KHDRBS2: variants seen among roughly 807,000 people sequenced by gnomAD.
KHDRBS2 encodes KH domain-containing, RNA-binding, signal transduction-associated protein 2.
KHDRBS2 carries 26 observed loss-of-function variants against 44.3 expected under a neutral mutation model. That is an observed-to-expected ratio of 0.59 (90% CI 0.43 to 0.81). The LOEUF is 0.81. Ranked by LOEUF, KHDRBS2 falls within the 40% of genes least tolerant of loss-of-function variation. The probability of loss-of-function intolerance (pLI) is 0.00; values close to 1 mark genes in which losing one functional copy is unlikely to be tolerated. For synonymous variants in KHDRBS2, 194 were observed against 151.1 expected (o/e 1.28, Z -2.08); for missense variants, 476 against 433.1 (o/e 1.10, Z -0.88).
intron 6 of KHDRBS2, among the ~76,000 whole-genome samples, chr6:61,789,661 C>A (rs1784344325): frequency 6.6e-6 from 1 of 151,182 alleles, no homozygotes; most frequent in African/African-American, 2.4e-5. Context: ...TAGGAAAGGC[C>A]CTGGTTTGTC....
chr6:62,265,301 G>A (rs1366461000), intron 1 of KHDRBS2, among the ~76,000 whole-genome samples: 1 of 151,950 alleles, frequency 6.6e-6, no homozygotes, highest in Admixed American at 6.6e-5. Context: ...TCTCCTGCAT[G>A]CCACCTTTGC....
intron 1 of KHDRBS2, among the ~76,000 whole-genome samples, chr6:62,215,737 G>A (rs577542): frequency 0.19 from 28,402 of 151,350 alleles, 3,309 homozygotes; most frequent in African/African-American, 0.31. Context: ...TGATCAGCCC[G>A]ATTATGAAAT....
rs376689800 is a variant in KHDRBS2 at position 61,722,929 on chromosome 6, T to C, written c.893+9753A>G. On this transcript the variant is annotated intron_variant, in intron 7 of 8. Coordinates refer to ENST00000281156, the MANE Select transcript of KHDRBS2 (RefSeq NM_152688.4). ...TTTCACCATGTTAGCCAGGATGGTC[T>C]CGATCTCCTCACCTCGTGATCTGCT... Among the ~76,000 whole-genome samples, 343 of 152,154 alleles carry C rather than the reference T, an allele frequency of 2.3e-3. 2 individuals are homozygous for C. Among genetic ancestry groups the C allele is most frequent in the African/African-American group, 8.0e-3 (333 of 41,524 alleles).
At chr6:61,638,336 C>T in the KHDRBS2 span, among the ~76,000 whole-genome samples, 5 of 151,940 alleles carry the variant, frequency 3.3e-5, no homozygotes, top group African/African-American at 1.2e-4. Context: ...AGAACAGAGC[C>T]CTCAGAAATA....
chr6:62,119,909 C>G (rs1807192064), intron 2 of KHDRBS2, among the ~76,000 whole-genome samples: 1 of 152,168 alleles, frequency 6.6e-6, no homozygotes, highest in African/African-American at 2.4e-5. Flanking sequence ...TCCTGGCAGG[C>G]CTCAAGAGGT....
intron 2 of KHDRBS2, among the ~76,000 whole-genome samples, chr6:62,166,350 C>T (rs1287851114): frequency 6.6e-6 from 1 of 151,908 alleles, no homozygotes; most frequent in African/African-American, 2.4e-5. Context: ...TGAGGTTGTT[C>T]TACAGTTTTA....
At chr6:61,849,310 GAT>G (rs1449903916) in intron 6 of KHDRBS2, among the ~76,000 whole-genome samples, 6 of 151,974 alleles carry the variant, frequency 3.9e-5, no homozygotes, top group Admixed American at 3.9e-4. Context: ...AGGTTCCTGT[GAT>G]ATTTGTCTGA....
intron 2 of KHDRBS2, among the ~76,000 whole-genome samples, chr6:62,158,167 T>C (rs963331822): frequency 6.6e-6 from 1 of 152,198 alleles, no homozygotes; most frequent in Non-Finnish European, 1.5e-5. Context: ...AAAGAACTCT[T>C]AGATAAATAA....
intron 6 of KHDRBS2, among the ~76,000 whole-genome samples, chr6:61,869,964 G>GTTTTTTTTTTTTTT (rs59518436): frequency 2.2e-4 from 24 of 109,018 alleles, no homozygotes; most frequent in African/African-American, 8.3e-4. Context: ...CTGCAGGAGT[G>GTTTTTTTTTTTTTT]TTTTTTTTTT....
At chr6:62,056,319 C>T (rs1053975430) in intron 2 of KHDRBS2, among the ~76,000 whole-genome samples, 11 of 151,812 alleles carry the variant, frequency 7.2e-5, no homozygotes, top group Non-Finnish European at 1.0e-4. Flanking sequence ...ACACATATAA[C>T]GCTTTACATA....
At chr6:61,702,107 C>T (rs1278645087) in intron 7 of KHDRBS2, among the ~76,000 whole-genome samples, 1 of 151,758 alleles carries the variant, frequency 6.6e-6, no homozygotes, top group African/African-American at 2.4e-5. Flanking sequence ...GAGCATTGGG[C>T]TATAGAAGAC....
At chr6:62,143,387 T>C (rs944901958) in intron 2 of KHDRBS2, among the ~76,000 whole-genome samples, 5 of 152,012 alleles carry the variant, frequency 3.3e-5, no homozygotes, top group Non-Finnish European at 4.4e-5. Flanking sequence ...TTAACATGGA[T>C]AGAATTAATT....
chr6:61,741,588 G>C lies in KHDRBS2; in HGVS notation c.811-8824C>G, dbSNP rs536982978. On this transcript the variant is annotated intron_variant, in intron 6 of 8. Coordinates refer to ENST00000281156, the MANE Select transcript of KHDRBS2 (RefSeq NM_152688.4). ...CCCTATCACCCAGGTAGTGAGTATAGGACTCAATAGGTAGTTTTTCTTTAC... is the reference window on the plus strand; with the variant it reads ...CCCTATCACCCAGGTAGTGAGTATACGACTCAATAGGTAGTTTTTCTTTAC... 1.6e-4 allele frequency among the ~76,000 whole-genome samples: 24 copies of C among 151,900 alleles called. No homozygotes were observed. In the South Asian group the frequency reaches 1.9e-3, roughly 12 times the overall value.
rs570854288 is a variant in KHDRBS2, at chr6:62,088,415, T to C, written c.220-40421A>G. ...TCATTCTTTTCGTTGATGGTGATGC[T>C]ATTGTTTTCTGTTTCTTAGTTTTCC... On this transcript the variant is annotated intron_variant, in intron 2 of 8. Transcript: ENST00000281156. 1.5e-4 allele frequency among the ~76,000 whole-genome samples: 23 copies of C among 152,320 alleles called. No homozygotes were observed. In the East Asian group the frequency reaches 3.1e-3, roughly 20 times the overall value.
intron 1 of KHDRBS2, among the ~76,000 whole-genome samples, chr6:62,253,059 C>A (rs1273932967): frequency 6.6e-6 from 1 of 151,890 alleles, no homozygotes; most frequent in African/African-American, 2.4e-5. Context: ...GATCACCTAC[C>A]CCAGAGATTT....
At chr6:61,860,896 T>A (rs1236945736) in intron 6 of KHDRBS2, among the ~76,000 whole-genome samples, 1 of 152,140 alleles carries the variant, frequency 6.6e-6, no homozygotes, top group Non-Finnish European at 1.5e-5. Flanking sequence ...TTTTTGACCT[T>A]TTAATAACAG....
At chr6:62,108,281 G>A (rs569989261) in intron 2 of KHDRBS2, among the ~76,000 whole-genome samples, 106 of 152,164 alleles carry the variant, frequency 7.0e-4, no homozygotes, top group Non-Finnish European at 1.2e-3. Flanking sequence ...AAAAGTGGGC[G>A]AAGGACATGA....
In KHDRBS2 at chr6:62,075,189, G is replaced by A. The variant is rs537601294; in HGVS notation, c.220-27195C>T. ...CTAACCTCCAAGGTGATGGTATTAA[G>A]AAGTGAGGCCTTTGGGAGGTGATCA... On this transcript the variant is annotated intron_variant, in intron 2 of 8. Transcript: ENST00000281156. Among the ~76,000 whole-genome samples, 3 of 151,990 alleles carry A rather than the reference G, an allele frequency of 2.0e-5. No homozygotes were observed. The East Asian group carries it at 5.9e-4, about 30-fold the overall frequency.
chr6:61,945,108 A>ATGT (rs1812982313), intron 4 of KHDRBS2, among the ~76,000 whole-genome samples: 10 of 54,978 alleles, frequency 1.8e-4, no homozygotes, highest in South Asian at 6.7e-4. Context: ...AAAAAAAAAA[A>ATGT]AAAAGTATAT....
Sources: allele counts gnomAD v4.1 joint callset (sites outside exome capture counted in the v4.1 genomes callset), GRCh38; gene constraint gnomAD v4.1.1; transcripts MANE v1.5; gene names NCBI Gene and HGNC (gene_info 2026-07-23, HGNC 2026-07-21).